LZTFL1: variants seen among roughly 807,000 people sequenced by gnomAD.
The protein encoded by LZTFL1 is leucine zipper transcription factor-like protein 1.
LZTFL1 carries 25 observed loss-of-function variants against 45.9 expected under a neutral mutation model. The ratio of observed to expected loss-of-function variants is 0.54; its 90% confidence interval spans 0.40 to 0.76. The LOEUF (loss-of-function observed/expected upper bound fraction) is 0.76, where lower values mean the gene tolerates loss of function less well. Among genes scored for constraint, LZTFL1 ranks in the 30% least tolerant of loss-of-function variants. LZTFL1 has a pLI of 0.00. For missense variants in LZTFL1, 277 were observed against 331.1 expected, an observed-to-expected ratio of 0.84 and a Z score of 1.27; for synonymous variants, 93 against 117.4, an observed-to-expected ratio of 0.79 and a Z score of 1.35.
At chr3:45,914,189 G>A (rs527244163) in intron 1 of LZTFL1, among the ~76,000 whole-genome samples, 4 of 152,150 alleles carry the variant, frequency 2.6e-5, no homozygotes, top group Admixed American at 2.6e-4. Context: ...ACACAGCAAC[G>A]TTCACCAGGA....
intron 2 of LZTFL1, among the ~76,000 whole-genome samples, chr3:45,874,391 G>A (rs936345150): frequency 1.3e-5 from 2 of 152,162 alleles, no homozygotes; most frequent in African/African-American, 4.8e-5. Flanking sequence ...CATGCAACAG[G>A]TCTGTGTGCA....
chr3:45,904,293 T>C (rs1257821605), intron 2 of LZTFL1, among the ~76,000 whole-genome samples: 1 of 152,208 alleles, frequency 6.6e-6, no homozygotes, highest in African/African-American at 2.4e-5. Flanking sequence ...TTCTAGAAAA[T>C]AAAGATTGCC....
chr3:45,878,484 C>A (rs1180523015), intron 2 of LZTFL1, among the ~76,000 whole-genome samples: 3 of 151,564 alleles, frequency 2.0e-5, no homozygotes, highest in Non-Finnish European at 2.9e-5. Context: ...GCGCTATGGA[C>A]AAAGTGGGGC....
chr3:45,846,689 G>A (rs1701221977), upstream of LZTFL1, among the ~76,000 whole-genome samples: 1 of 152,032 alleles, frequency 6.6e-6, no homozygotes, highest in Admixed American at 6.6e-5. Flanking sequence ...TTAAGTGGAA[G>A]TGGATAATAT....
rs371286887 is a variant in LZTFL1, at chr3:45,890,336, AC to A, written c.-215+22783del. Among the ~76,000 whole-genome samples, 12 of 58,468 alleles carry A rather than the reference AC, an allele frequency of 2.1e-4. 1 individual carries two copies. The highest frequency in any genetic ancestry group is 7.9e-4 in the African/African-American group (4 of 5,062). The allele number at this position is 58,468 out of a possible 152,430, so 38.4% of individuals were successfully genotyped here. A position where few individuals can be genotyped will look rare whatever the true frequency, so the allele number is the denominator to read the frequency against. On this transcript the variant is annotated intron_variant, in intron 2 of 4. Coordinates refer to the LZTFL1 transcript ENST00000472635. ...ATATATTTATATAAATATATATATA[AC>A]ATATATATATAACATATATATATAT...
chr3:45,833,529 A>G lies in LZTFL1; in HGVS notation c.385-408T>C, dbSNP rs937534550. On this transcript the variant is annotated intron_variant, in intron 4 of 9. Coordinates refer to ENST00000296135, the MANE Select transcript of LZTFL1 (RefSeq NM_020347.4). ...ACCTTAGACTCTGTGAAAAACAATA[A>G]TATTGATGAAGATCTAGGCAAGTAT... Among the ~76,000 whole-genome samples the G allele has an allele frequency of 3.9e-5, 6 of 152,202 alleles. No individual in the cohort carries two copies. The South Asian group carries it at 1.2e-3, about 32-fold the overall frequency.
At chr3:45,906,024 T>C (rs963133698) in intron 2 of LZTFL1, among the ~76,000 whole-genome samples, 7 of 152,194 alleles carry the variant, frequency 4.6e-5, no homozygotes, top group African/African-American at 1.7e-4. Flanking sequence ...AAGGCATTGA[T>C]TCCTAATAAA....
chr3:45,899,520 T>C (rs532859404), intron 2 of LZTFL1, among the ~76,000 whole-genome samples: 2 of 152,330 alleles, frequency 1.3e-5, no homozygotes, highest in South Asian at 2.1e-4. Context: ...TGACTTCTAG[T>C]CCAAATGTAT....
intron 2 of LZTFL1, among the ~76,000 whole-genome samples, chr3:45,903,475 C>A (rs1453535149): frequency 6.6e-6 from 1 of 152,224 alleles, no homozygotes; most frequent in Non-Finnish European, 1.5e-5. Flanking sequence ...AGTAAACCAC[C>A]CCTGGCTTTG....
intron 2 of LZTFL1, among the ~76,000 whole-genome samples, chr3:45,860,818 TAAGTACG>T (rs1346810688): frequency 5.3e-5 from 8 of 152,198 alleles, no homozygotes; most frequent in Admixed American, 5.2e-4. Context: ...AGGAGTTTAA[TAAGTACG>T]AAATCGTTGA....
At chr3:45,888,020 A>T (rs565591451) in intron 2 of LZTFL1, among the ~76,000 whole-genome samples, 1 of 152,376 alleles carries the variant, frequency 6.6e-6, no homozygotes, top group South Asian at 2.1e-4. Context: ...AAGTGTGGGG[A>T]GATGCTGTGT....
rs1394689678 is a variant in LZTFL1 at position 45,900,970 on chromosome 3, T to G, written c.-215+12150A>C. 6.2e-7 allele frequency: 1 copy of G among 1,614,232 alleles called. No individual in the cohort carries two copies. The highest frequency in any genetic ancestry group is 8.5e-7 in the Non-Finnish European group (1 of 1,180,028). The stretch of plus-strand genomic sequence containing the variant: ...CCCTTGTACTGGCTCGTGTTCATCG[T>G]GGGTGCCTTGGGCAACAGTCTTGTT... On this transcript the variant is annotated intron_variant, in intron 2 of 4. Coordinates refer to the LZTFL1 transcript ENST00000472635. This position sits in a 1 kb window ranked among gnomAD's most constrained non-coding sequence, Gnocchi z 4.7.
chr3:45,864,367 A>G (rs1382100196), intron 2 of LZTFL1, among the ~76,000 whole-genome samples: 5 of 152,216 alleles, frequency 3.3e-5, no homozygotes, highest in African/African-American at 1.2e-4. Context: ...ACTTGTCATA[A>G]TGAAGAATTT....
chr3:45,878,152 C>T (rs1701785666), intron 2 of LZTFL1, among the ~76,000 whole-genome samples: 1 of 152,158 alleles, frequency 6.6e-6, no homozygotes, highest in African/African-American at 2.4e-5. Context: ...TTTTCCTCAC[C>T]TCACCTACTC....
chr3:45,844,543 A>C (rs554781126), upstream of LZTFL1, among the ~76,000 whole-genome samples: 2 of 152,224 alleles, frequency 1.3e-5, no homozygotes, highest in Admixed American at 6.5e-5. Context: ...AACTGGTAGT[A>C]GGTGGAAAAT....
At chr3:45,899,038 C>T (rs554921859) in intron 2 of LZTFL1, among the ~76,000 whole-genome samples, 10 of 152,252 alleles carry the variant, frequency 6.6e-5, no homozygotes, top group South Asian at 2.1e-4. Context: ...TGGTGGCACA[C>T]GCCTGTAATC....
At chr3:45,860,170 C>G (rs1363143387) in intron 2 of LZTFL1, among the ~76,000 whole-genome samples, 4 of 152,034 alleles carry the variant, frequency 2.6e-5, no homozygotes, top group Admixed American at 2.6e-4. Flanking sequence ...CGAGATTGCG[C>G]CACTGCACTC....
chr3:45,829,745 C>A (rs185630766), intron 7 of LZTFL1, among the ~76,000 whole-genome samples: 1 of 151,904 alleles, frequency 6.6e-6, no homozygotes, highest in Admixed American at 6.6e-5. Context: ...GTTCTTGTGT[C>A]CAAAATCTTA....
At chr3:45,890,306 T>TATATATTTATATAAATATATATATAAC (rs1559421485) in intron 2 of LZTFL1, among the ~76,000 whole-genome samples, 6 of 15,452 alleles carry the variant, frequency 3.9e-4, no homozygotes, top group Non-Finnish European at 4.9e-4. Flanking sequence ...ATATATAACA[T>TATATATTTATATAAATATATATATAAC]ATATATATAT....
Sources: gnomAD v4.1 joint callset for allele counts (sites outside exome capture counted in the v4.1 genomes callset) on GRCh38, gnomAD v4.1.1 for gene constraint, Gnocchi (gnomAD v3.1) non-coding constraint, MANE v1.5 for transcripts, NCBI Gene and HGNC (gene_info 2026-07-23, HGNC 2026-07-21) for gene names.